Variants in PARD6G observed in about 807,000 individuals in gnomAD.
The protein encoded by PARD6G is par-6 family cell polarity regulator gamma, also known as partitioning defective 6 homolog gamma.
A neutral mutation model predicts 10.7 loss-of-function variants in PARD6G; 7 were observed. The ratio of observed to expected loss-of-function variants is 0.66; its 90% CI spans 0.37 to 1.23. The LOEUF is 1.23. PARD6G is among the 50% of genes most tolerant of loss of function. PARD6G has a pLI of 0.02. For synonymous variants in PARD6G, 287 were observed against 269.4 expected, an observed-to-expected ratio of 1.07 and a Z score of -0.64; for missense variants, 548 against 571.8, an observed-to-expected ratio of 0.96 and a Z score of 0.42.
intron 2 of PARD6G, among the ~76,000 whole-genome samples, chr18:80,168,196 A>G (rs2052749382): frequency 6.6e-6 from 1 of 152,172 alleles, no homozygotes. Flanking sequence ...ACACAACCTC[A>G]GCCTGTCTGC....
rs544279518 is a variant in PARD6G, at chr18:80,183,403, A to G, written c.295+19307T>C. On this transcript the variant is annotated intron_variant, in intron 2 of 2. Coordinates refer to ENST00000353265, the MANE Select transcript of PARD6G (RefSeq NM_032510.4). The surrounding 1 kb of genome is among the most constrained non-coding windows in gnomAD (Gnocchi z 4.5). Reference sequence around the variant, plus strand: ...TCCCTGGCCCTAATGGGTTTCAGGCAGAGATGGTTTCCTGAGGGCAGCACC... The same window carrying G: ...TCCCTGGCCCTAATGGGTTTCAGGCGGAGATGGTTTCCTGAGGGCAGCACC... Among the ~76,000 whole-genome samples, 1 of 152,156 alleles carries G rather than the reference A, an allele frequency of 6.6e-6. No individual in the cohort carries two copies. Among genetic ancestry groups the G allele is most frequent in the Non-Finnish European group, 1.5e-5 (1 of 68,034 alleles).
chr18:80,167,220 T>C (rs6506813), intron 2 of PARD6G, among the ~76,000 whole-genome samples: 128,097 of 151,680 alleles, frequency 0.84, 54,194 homozygotes, highest in Non-Finnish European at 0.87. Flanking sequence ...GGCAGTGTTG[T>C]GTGTGGACCT....
intron 1 of PARD6G, among the ~76,000 whole-genome samples, chr18:80,244,784 T>C (rs764917686): frequency 1.4e-4 from 21 of 152,160 alleles, no homozygotes; most frequent in Admixed American, 3.3e-4. Context: ...TGGTGCTACA[T>C]TGAGGTTGTC....
intron 1 of PARD6G, among the ~76,000 whole-genome samples, chr18:80,225,875 C>T (rs1967283433): frequency 6.6e-6 from 1 of 152,126 alleles, no homozygotes; most frequent in Non-Finnish European, 1.5e-5. Flanking sequence ...GATCAGAGCA[C>T]ACCTAGTCAT....
chr18:80,159,461 A>C lies in PARD6G; in HGVS notation c.*310T>G, dbSNP rs560020023. Reference sequence around the variant, plus strand: ...AATTTTAAAGCTTCACTTTAAAAACAAAGTATTTGTAAAAATTTTAAAAAG... The same window carrying C: ...AATTTTAAAGCTTCACTTTAAAAACCAAGTATTTGTAAAAATTTTAAAAAG... On this transcript the variant is annotated 3_prime_UTR_variant, in exon 3 of 3. Coordinates refer to ENST00000353265, the MANE Select transcript of PARD6G (RefSeq NM_032510.4). 1.7e-5 allele frequency: 5 copies of C among 290,192 alleles called. No homozygotes were observed. The South Asian group carries it at 4.8e-4, about 28-fold the overall frequency. The allele number at this position is 290,192 out of a possible 1,614,324, so 18.0% of individuals were successfully genotyped here.
intron 1 of PARD6G, among the ~76,000 whole-genome samples, chr18:80,224,677 C>T (rs1389450539): frequency 6.6e-6 from 1 of 152,184 alleles, no homozygotes; most frequent in Non-Finnish European, 1.5e-5. Flanking sequence ...GAAACCCCAT[C>T]TCTACTAAAA....
At chr18:80,197,091 G>A (rs1353349100) in intron 2 of PARD6G, among the ~76,000 whole-genome samples, 1 of 152,144 alleles carries the variant, frequency 6.6e-6, no homozygotes, top group African/African-American at 2.4e-5. Flanking sequence ...CTGCCCCCAA[G>A]AAACAAAACC....
chr18:80,219,724 C>T (rs943657566), intron 1 of PARD6G, among the ~76,000 whole-genome samples: 4 of 152,152 alleles, frequency 2.6e-5, no homozygotes, highest in Non-Finnish European at 5.9e-5. Context: ...CAACAAGTTC[C>T]TAATCTCCAT....
intron 2 of PARD6G, among the ~76,000 whole-genome samples, chr18:80,187,465 G>A (rs190936027): frequency 2.4e-4 from 36 of 152,316 alleles, no homozygotes; most frequent in Admixed American, 5.2e-4. Context: ...GGGGGACAAC[G>A]CAGCATCCCC....
Position 80,238,114 on chromosome 18 carries a change from T to C in PARD6G, c.72+9163A>G, listed in dbSNP as rs943400378. On this transcript the variant is annotated intron_variant, in intron 1 of 2. Coordinates refer to ENST00000353265, the MANE Select transcript of PARD6G (RefSeq NM_032510.4). ...AACCAACCTAAATGTCCAACAATGA[T>C]AGACTGGAAAATGTGGCACATATAC... Among the ~76,000 whole-genome samples the C allele has an allele frequency of 3.9e-5, 6 of 152,096 alleles. No individual in the cohort carries two copies. The South Asian group carries it at 1.2e-3, about 32-fold the overall frequency.
chr18:80,199,811 T>C (rs553291698), intron 2 of PARD6G, among the ~76,000 whole-genome samples: 1 of 152,132 alleles, frequency 6.6e-6, no homozygotes, highest in Admixed American at 6.5e-5. Context: ...ACCTGGATGA[T>C]TTATATATTT....
At chr18:80,197,794 T>G (rs940361090) in intron 2 of PARD6G, among the ~76,000 whole-genome samples, 1 of 152,236 alleles carries the variant, frequency 6.6e-6, no homozygotes, top group South Asian at 2.1e-4. Context: ...AGGGCCAGCT[T>G]CCCAAAACAT....
intron 1 of PARD6G, among the ~76,000 whole-genome samples, chr18:80,211,337 T>C (rs2145287058): frequency 6.6e-6 from 1 of 152,306 alleles, no homozygotes; most frequent in Non-Finnish European, 1.5e-5. Flanking sequence ...AAACAGGAAT[T>C]GGACAAACAC....
chr18:80,186,764 A>T (rs1375249893), intron 2 of PARD6G, among the ~76,000 whole-genome samples: 1 of 152,118 alleles, frequency 6.6e-6, no homozygotes, highest in East Asian at 1.9e-4. Context: ...TCGGCCCCCA[A>T]ATCTCCCTGC....
intron 2 of PARD6G, among the ~76,000 whole-genome samples, chr18:80,194,575 A>G (rs1271069842): frequency 6.6e-6 from 1 of 151,984 alleles, no homozygotes; most frequent in Non-Finnish European, 1.5e-5. Context: ...AACGTGCATG[A>G]GCTATGGACA....
chr18:80,206,494 A>ATT (rs1967055330), intron 1 of PARD6G, among the ~76,000 whole-genome samples: 6 of 152,194 alleles, frequency 3.9e-5, no homozygotes, highest in Non-Finnish European at 7.4e-5. Flanking sequence ...CAGGCAATAA[A>ATT]CCTTGCAAGT....
rs560032757 is a variant in PARD6G, at chr18:80,197,053, G to A, written c.295+5657C>T. Among the ~76,000 whole-genome samples, 7 of 152,242 alleles carry A rather than the reference G, an allele frequency of 4.6e-5. No individual in the cohort carries two copies. The South Asian group carries it at 1.2e-3, about 27-fold the overall frequency. On this transcript the variant is annotated intron_variant, in intron 2 of 2. Transcript: ENST00000353265. ...CCCATAAGCACATGGACACAGTGAG[G>A]CTAATTCAGCAAAAATATACCTCTT...
intron 2 of PARD6G, among the ~76,000 whole-genome samples, chr18:80,176,726 G>A (rs185052671): frequency 3.0e-4 from 45 of 152,282 alleles, no homozygotes; most frequent in African/African-American, 9.1e-4. Context: ...GGAGAAGGCC[G>A]AGCTCCCGAC....
chr18:80,197,407 T>C (rs1966967719), intron 2 of PARD6G: 1 of 152,234 alleles, frequency 6.6e-6, no homozygotes. Context: ...GGGCAAATTC[T>C]GATAAATCAA....
Sources: gnomAD v4.1 joint callset for allele counts (sites outside exome capture counted in the v4.1 genomes callset) on GRCh38, gnomAD v4.1.1 for gene constraint, Gnocchi (gnomAD v3.1) non-coding constraint, MANE v1.5 for transcripts, NCBI Gene and HGNC (gene_info 2026-07-23, HGNC 2026-07-21) for gene names.